Variants in SHANK2 observed in about 807,000 individuals in gnomAD.
The protein encoded by SHANK2 is SH3 and multiple ankyrin repeat domains 2.
SHANK2 carries 43 observed loss-of-function variants against 133.7 expected under a neutral mutation model. The observed-to-expected ratio is 0.32, with a 90% CI of 0.25 to 0.41. SHANK2 has a LOEUF of 0.41. Among genes scored for constraint, SHANK2 ranks in the 10% least tolerant of loss-of-function variants. The pLI, the probability that SHANK2 is intolerant of heterozygous loss-of-function variation, is 1.00. For synonymous variants in SHANK2, 1,017 were observed against 952.8 expected, an observed-to-expected ratio of 1.07 and a Z score of -1.24; for missense variants, 1,994 against 2,235.8, an observed-to-expected ratio of 0.89 and a Z score of 2.18.
intron 14 of SHANK2, among the ~76,000 whole-genome samples, chr11:70,768,102 GT>G (rs782584363): frequency 6.6e-6 from 1 of 152,178 alleles, no homozygotes; most frequent in Non-Finnish European, 1.5e-5. Context: ...CTTGGAGCCT[GT>G]TTCCTTCTCT....
At chr11:71,235,401 C>T (rs903133537) in intron 1 of SHANK2, among the ~76,000 whole-genome samples, 1 of 152,068 alleles carries the variant, frequency 6.6e-6, no homozygotes, top group African/African-American at 2.4e-5. Flanking sequence ...TGAGACCAGC[C>T]TGGCCAACAT....
At chr11:70,640,737 A>G (rs2061168023) in intron 17 of SHANK2, among the ~76,000 whole-genome samples, 1 of 152,220 alleles carries the variant, frequency 6.6e-6, no homozygotes, top group African/African-American at 2.4e-5. Context: ...CAGTCCCTCA[A>G]GGCTGGGCTC....
At chr11:70,825,582 G>A (rs78711146) in intron 11 of SHANK2, among the ~76,000 whole-genome samples, 9,202 of 152,224 alleles carry the variant, frequency 0.06, 368 homozygotes, top group Middle Eastern at 0.18. Flanking sequence ...AAATTACCTC[G>A]CGTAATTACC....
At chr11:70,490,173 C>T (rs782165629) in intron 23 of SHANK2, 103 bp downstream of exon 23, 7 of 1,024,920 alleles carry the variant, frequency 6.8e-6, no homozygotes, top group African/African-American at 1.6e-5. Context: ...GGTGGGACGC[C>T]AAGGCAACTG....
chr11:70,827,216 T>C (rs1555057391), intron 11 of SHANK2, among the ~76,000 whole-genome samples: 1 of 151,100 alleles, frequency 6.6e-6, no homozygotes, highest in Admixed American at 6.6e-5. Context: ...TCCCCACCCA[T>C]CGAGGTAATT....
intron 14 of SHANK2, among the ~76,000 whole-genome samples, chr11:70,792,295 TCAAC>T (rs34682780): frequency 0.7 from 96,365 of 136,990 alleles, 34,515 homozygotes; most frequent in South Asian, 0.83. Flanking sequence ...AAGCAATCAA[TCAAC>T]CAACCAACCA....
chr11:70,814,477 T>C (rs1555053850), intron 12 of SHANK2, among the ~76,000 whole-genome samples: 1 of 152,220 alleles, frequency 6.6e-6, no homozygotes, highest in Admixed American at 6.5e-5. Flanking sequence ...TGGCACTGAC[T>C]TGAAGCCCCT....
chr11:70,874,226 A>C (rs535802806), intron 11 of SHANK2, among the ~76,000 whole-genome samples: 1 of 152,118 alleles, frequency 6.6e-6, no homozygotes. Context: ...CCATCTATCT[A>C]TCCATTCACC....
intron 11 of SHANK2, chr11:70,872,312 C>T (rs570407582): frequency 6.5e-6 from 1 of 154,664 alleles, no homozygotes; most frequent in Non-Finnish European, 1.5e-5. Context: ...CTCCTGAGAG[C>T]TCGTGTTGGA....
chr11:70,509,796 C>A (rs1431408336), intron 17 of SHANK2, among the ~76,000 whole-genome samples: 1 of 152,244 alleles, frequency 6.6e-6, no homozygotes. Flanking sequence ...CCTGGAGCAA[C>A]CCTTTGCCCT....
chr11:70,801,522 G>A (rs1259995712), intron 13 of SHANK2, among the ~76,000 whole-genome samples: 1 of 152,220 alleles, frequency 6.6e-6, no homozygotes, highest in Non-Finnish European at 1.5e-5. Flanking sequence ...AGGTAGGAAT[G>A]AGTGTTCCTC....
chr11:70,549,832 T>A (rs1405405717), intron 17 of SHANK2, among the ~76,000 whole-genome samples: 2 of 152,262 alleles, frequency 1.3e-5, no homozygotes, highest in African/African-American at 2.4e-5. Context: ...ATTCTCACCA[T>A]ACCTCCATGT....
At chr11:70,871,040 A>G (rs1432103584) in intron 11 of SHANK2, among the ~76,000 whole-genome samples, 9 of 152,120 alleles carry the variant, frequency 5.9e-5, no homozygotes, top group Non-Finnish European at 1.0e-4. Flanking sequence ...AGCCTCCCAA[A>G]GTGCTGGGAT....
At chr11:70,893,553 A>G (rs1355333845) in intron 11 of SHANK2, among the ~76,000 whole-genome samples, 6 of 152,216 alleles carry the variant, frequency 3.9e-5, no homozygotes, top group African/African-American at 1.4e-4. Context: ...TCTCTGCGGG[A>G]AACTTTCAAC....
chr11:71,173,786 G>C (rs1953365732), intron 2 of SHANK2, among the ~76,000 whole-genome samples: 1 of 152,236 alleles, frequency 6.6e-6, no homozygotes, highest in Non-Finnish European at 1.5e-5. Flanking sequence ...ACTTTATAAG[G>C]AGGGGAAATG....
At chr11:71,133,926 A>ATTTTTT (rs782273886) in intron 3 of SHANK2, among the ~76,000 whole-genome samples, 2 of 144,022 alleles carry the variant, frequency 1.4e-5, no homozygotes, top group African/African-American at 5.1e-5. Context: ...AAAACTATGT[A>ATTTTTT]TTTTTTTTTT....
chr11:71,097,264 T>A (rs912433096), intron 6 of SHANK2, among the ~76,000 whole-genome samples: 35 of 151,924 alleles, frequency 2.3e-4, no homozygotes, highest in African/African-American at 7.7e-4. Context: ...TCCGCTGAGG[T>A]TCCACATTTG....
At chr11:71,227,801 G>T (rs868978653) in intron 1 of SHANK2, among the ~76,000 whole-genome samples, 2 of 151,904 alleles carry the variant, frequency 1.3e-5, no homozygotes, top group East Asian at 3.9e-4. Context: ...GCATATATTA[G>T]AAAAGAAGAA....
intron 17 of SHANK2, among the ~76,000 whole-genome samples, chr11:70,589,054 T>C (rs1316837178): frequency 1.3e-5 from 2 of 152,218 alleles, no homozygotes; most frequent in African/African-American, 4.8e-5. Flanking sequence ...CCTGACCTCA[T>C]GACCCTTCCA....
Sources: gnomAD v4.1 joint callset for allele counts (sites outside exome capture counted in the v4.1 genomes callset) on GRCh38, gnomAD v4.1.1 for gene constraint, MANE v1.5 for transcripts, NCBI Gene and HGNC (gene_info 2026-07-23, HGNC 2026-07-21) for gene names.